GPATCH2: variants seen among roughly 807,000 people sequenced by gnomAD.
GPATCH2 encodes G-patch domain containing 2.
In GPATCH2, 51 loss-of-function variants were observed where a neutral mutation model predicts 58.0. The observed-to-expected ratio is 0.88, with a 90% CI of 0.70 to 1.11. The LOEUF (loss-of-function observed/expected upper bound fraction) is 1.11, where lower values mean the gene tolerates loss of function less well. Among genes scored for constraint, GPATCH2 ranks in the 50% most tolerant of loss-of-function variants. GPATCH2 has a pLI of 0.00. For synonymous variants in GPATCH2, 222 were observed against 218.5 expected (o/e 1.02, Z -0.14); for missense variants, 625 against 652.2 (o/e 0.96, Z 0.45).
chr1:217,471,676 G>C (rs1404354185), intron 8 of GPATCH2, among the ~76,000 whole-genome samples: 2 of 152,052 alleles, frequency 1.3e-5, no homozygotes, highest in Admixed American at 6.5e-5. Context: ...AATGTGATGA[G>C]ATCTGTTTTG....
intron 1 of GPATCH2, among the ~76,000 whole-genome samples, chr1:217,625,735 C>A (rs1428790079): frequency 6.6e-6 from 1 of 152,152 alleles, no homozygotes; most frequent in African/African-American, 2.4e-5. Flanking sequence ...GTAATCCCAG[C>A]ATTCTGGGAG....
rs1355411442 is a variant in GPATCH2, at chr1:217,561,824, T to G, written c.1099-46935A>C. On this transcript the variant is annotated intron_variant, in intron 5 of 9. Transcript: ENST00000366935. ...CACAGACACTCTCCTCTGCAGGGTA[T>G]GATTAGGTACCTGCCTTGCTTCTGA... Among the ~76,000 whole-genome samples the G allele has an allele frequency of 2.6e-5, 4 of 152,138 alleles. No individual in the cohort carries two copies. The East Asian group carries it at 7.7e-4, about 29-fold the overall frequency.
intron 5 of GPATCH2, among the ~76,000 whole-genome samples, chr1:217,547,945 T>C (rs1665146980): frequency 6.6e-6 from 1 of 152,128 alleles, no homozygotes; most frequent in African/African-American, 2.4e-5. Flanking sequence ...TCCCCCTTAG[T>C]TCTCCTGTCT....
intron 9 of GPATCH2, among the ~76,000 whole-genome samples, chr1:217,448,357 C>T (rs1334563640): frequency 6.6e-6 from 1 of 152,116 alleles, no homozygotes; most frequent in Admixed American, 6.5e-5. Flanking sequence ...TAGGTCAAGG[C>T]TATTATTCTT....
intron 5 of GPATCH2, among the ~76,000 whole-genome samples, chr1:217,561,789 G>A (rs1665937097): frequency 6.6e-6 from 1 of 152,102 alleles, no homozygotes; most frequent in South Asian, 2.1e-4. Flanking sequence ...GAAACATGGG[G>A]TACACAGCTC....
chr1:217,441,259 G>A (rs1387007328), intron 9 of GPATCH2, among the ~76,000 whole-genome samples: 2 of 152,132 alleles, frequency 1.3e-5, no homozygotes, highest in African/African-American at 2.4e-5. Context: ...ATGGGGAAAG[G>A]ATTCCCTATT....
intron 5 of GPATCH2, chr1:217,608,319 C>CA (rs1558521609): frequency 2.0e-6 from 2 of 983,722 alleles, no homozygotes; most frequent in Admixed American, 6.2e-5. Flanking sequence ...GTTTTAAATA[C>CA]AAAAAACATA....
At chr1:217,552,160 A>T (rs1373696129) in intron 5 of GPATCH2, among the ~76,000 whole-genome samples, 1 of 152,056 alleles carries the variant, frequency 6.6e-6, no homozygotes, top group Non-Finnish European at 1.5e-5. Flanking sequence ...AACCTTGTAA[A>T]CTTCTCCTAT....
At chr1:217,463,304 C>G (rs1186356741) in intron 8 of GPATCH2, among the ~76,000 whole-genome samples, 1 of 152,116 alleles carries the variant, frequency 6.6e-6, no homozygotes, top group Non-Finnish European at 1.5e-5. Context: ...TCCCACAACA[C>G]TTTATATCTT....
intron 5 of GPATCH2, among the ~76,000 whole-genome samples, chr1:217,593,412 T>C (rs770299593): frequency 1.3e-5 from 2 of 152,014 alleles, no homozygotes; most frequent in African/African-American, 2.4e-5. Flanking sequence ...TTGTGTCCTA[T>C]TGTATTTTAT....
intron 5 of GPATCH2, among the ~76,000 whole-genome samples, chr1:217,592,796 T>A (rs755999584): frequency 6.6e-6 from 1 of 151,976 alleles, no homozygotes; most frequent in Non-Finnish European, 1.5e-5. Context: ...TTAATGCCAC[T>A]TTTGGGTTAC....
chr1:217,523,090 G>A (rs979081258), intron 5 of GPATCH2, among the ~76,000 whole-genome samples: 1 of 151,658 alleles, frequency 6.6e-6, no homozygotes, highest in Non-Finnish European at 1.5e-5. Context: ...AAATGAAATA[G>A]CAATTAAGAA....
At position 217,620,518 on chromosome 1, in the gene GPATCH2, GAAAA is replaced by G; in HGVS notation, c.57-23_57-20del. 1 of 1,447,488 alleles carries G rather than the reference GAAAA, an allele frequency of 6.9e-7. No individual in the cohort carries two copies. The highest frequency in any genetic ancestry group is 9.5e-7 in the Non-Finnish European group (1 of 1,050,236). 89.7% of individuals were successfully genotyped at this position (1,447,488 alleles called of 1,614,324 possible). On this transcript the variant is annotated intron_variant, in intron 1 of 9. Coordinates refer to ENST00000366935, the MANE Select transcript of GPATCH2 (RefSeq NM_018040.5). Reference sequence around the variant, plus strand: ...GAAATGCCTTCATTTTTTAGAGAAAGAAAAAAGAAAATAGTCAGTCTTAACCACA... The same window carrying G: ...GAAATGCCTTCATTTTTTAGAGAAAGAAGAAAATAGTCAGTCTTAACCACA...
At chr1:217,615,786 CAAATT>C (rs1334589338) in intron 2 of GPATCH2, among the ~76,000 whole-genome samples, 2 of 152,080 alleles carry the variant, frequency 1.3e-5, no homozygotes, top group African/African-American at 4.8e-5. Flanking sequence ...AAGTACAGGT[CAAATT>C]AAATTTGGCC....
chr1:217,439,251 C>T lies in GPATCH2; in HGVS notation c.1367-7886G>A, dbSNP rs566005981. Among the ~76,000 whole-genome samples the T allele has an allele frequency of 1.3e-4, 20 of 152,280 alleles. No homozygotes were observed. In the East Asian group the frequency reaches 3.9e-3, roughly 29 times the overall value. ...CTCAACTCCATGGAAACTGAACAAC[C>T]TGCTCCTGAATGACTACTGGGAAAA... is the stretch of plus-strand genomic sequence containing the variant. On this transcript the variant is annotated intron_variant, in intron 9 of 9. Coordinates refer to ENST00000366935, the MANE Select transcript of GPATCH2 (RefSeq NM_018040.5).
chr1:217,444,060 T>G (rs899894572), intron 9 of GPATCH2, among the ~76,000 whole-genome samples: 2 of 152,144 alleles, frequency 1.3e-5, no homozygotes, highest in Admixed American at 1.3e-4. Context: ...CTGAAACCAG[T>G]TTTTATGTTA....
intron 9 of GPATCH2, among the ~76,000 whole-genome samples, chr1:217,433,792 G>T (rs1658674586): frequency 6.6e-6 from 1 of 152,224 alleles, no homozygotes; most frequent in South Asian, 2.1e-4. Flanking sequence ...AACCAACGGT[G>T]TATATTCTCT....
intron 8 of GPATCH2, among the ~76,000 whole-genome samples, chr1:217,474,167 A>C (rs1044301650): frequency 1.3e-5 from 2 of 152,220 alleles, no homozygotes; most frequent in African/African-American, 2.4e-5. Context: ...ATAGTGAAGC[A>C]TGAGAAGCAA....
In GPATCH2 at chr1:217,467,233, G is replaced by A. The variant is rs116107189; in HGVS notation, c.1278-17896C>T. On this transcript the variant is annotated intron_variant, in intron 8 of 9. Coordinates refer to ENST00000366935, the MANE Select transcript of GPATCH2 (RefSeq NM_018040.5). ...AACAAATGGAGGGAACCAGGTAGAAGCGAGACTTCTTTGAAAATAACTGCT... is the reference window on the plus strand; with the variant it reads ...AACAAATGGAGGGAACCAGGTAGAAACGAGACTTCTTTGAAAATAACTGCT... 9.1e-3 allele frequency among the ~76,000 whole-genome samples: 1,382 copies of A among 152,280 alleles called. 8 individuals are homozygous for A. The highest frequency in any genetic ancestry group is 0.048 in the Middle Eastern group (14 of 294).
Sources: allele counts gnomAD v4.1 joint callset (sites outside exome capture counted in the v4.1 genomes callset), GRCh38; gene constraint gnomAD v4.1.1; transcripts MANE v1.5; gene names NCBI Gene and HGNC (gene_info 2026-07-23, HGNC 2026-07-21).